Variants in GRIA4 observed in about 807,000 individuals in gnomAD.
The protein encoded by GRIA4 is glutamate ionotropic receptor AMPA type subunit 4, also known as glutamate receptor 4.
In GRIA4, 34 loss-of-function variants were observed where a neutral mutation model predicts 104.0. The observed-to-expected ratio is 0.33, with a 90% CI of 0.25 to 0.44. GRIA4 has a LOEUF of 0.44. GRIA4 is among the 20% of genes least tolerant of loss of function. The pLI is 1.00. For missense variants in GRIA4, 750 were observed against 1,096.5 expected, an observed-to-expected ratio of 0.68 and a Z score of 4.46; for synonymous variants, 386 against 381.9, an observed-to-expected ratio of 1.01 and a Z score of -0.13.
At chr11:105,656,791 C>G (rs1391825780) in intron 3 of GRIA4, among the ~76,000 whole-genome samples, 1 of 151,954 alleles carries the variant, frequency 6.6e-6, no homozygotes, top group East Asian at 1.9e-4. Context: ...GAAACAATAT[C>G]AGTATGTGTT....
chr11:105,763,552 T>G (rs1275016383), intron 4 of GRIA4, among the ~76,000 whole-genome samples: 1 of 152,144 alleles, frequency 6.6e-6, no homozygotes, highest in Non-Finnish European at 1.5e-5. Context: ...TGGTAACAAA[T>G]GCAAAGATTT....
chr11:105,760,467 C>T (rs1940563731), intron 4 of GRIA4, among the ~76,000 whole-genome samples: 1 of 152,078 alleles, frequency 6.6e-6, no homozygotes, highest in Non-Finnish European at 1.5e-5. Context: ...TTTTTTCTTG[C>T]AATGTTGTTC....
chr11:105,859,163 A>T (rs568491396), intron 4 of GRIA4, among the ~76,000 whole-genome samples: 1 of 152,328 alleles, frequency 6.6e-6, no homozygotes, highest in African/African-American at 2.4e-5. Flanking sequence ...ATTTCCAGCT[A>T]TGTTAGCAAA....
chr11:105,663,907 A>C (rs1257682330), intron 3 of GRIA4, among the ~76,000 whole-genome samples: 1 of 151,320 alleles, frequency 6.6e-6, no homozygotes, highest in Non-Finnish European at 1.5e-5. Flanking sequence ...GTCTTTGTGA[A>C]CCCTCCATAG....
chr11:105,924,319 C>A, intron 11 of GRIA4, 80 bp from the exon 12 acceptor site: 1 of 1,072,574 alleles, frequency 9.3e-7, no homozygotes, highest in Non-Finnish European at 1.4e-6. Flanking sequence ...GACTGGTTAG[C>A]TTTAAATGGA....
At chr11:105,957,839 T>C (rs1948632190) in intron 14 of GRIA4, among the ~76,000 whole-genome samples, 1 of 152,168 alleles carries the variant, frequency 6.6e-6, no homozygotes, top group South Asian at 2.1e-4. Context: ...CCCTTGTAAG[T>C]TGGATTCCTA....
intron 10 of GRIA4, among the ~76,000 whole-genome samples, 151 bp from the exon 11 acceptor site, chr11:105,918,559 ATC>A (rs1413412198): frequency 6.6e-6 from 1 of 152,100 alleles, no homozygotes. Flanking sequence ...TTATATATTC[ATC>A]TGTTTTATTA....
rs143562838 is a variant in GRIA4, at chr11:105,648,333, A to G, written c.247+35899A>G. ...AATTTTAAAAATATTATGGAAATAG[A>G]GAAAACTTAAAAGTATAGAATAAGA... On this transcript the variant is annotated intron_variant, in intron 3 of 16. Transcript: ENST00000282499. Among the ~76,000 whole-genome samples the G allele has an allele frequency of 3.8e-3, 578 of 151,642 alleles. 9 individuals carry two copies. The highest frequency in any genetic ancestry group is 0.014 in the African/African-American group (564 of 41,528).
chr11:105,779,370 T>C (rs1157476504), intron 4 of GRIA4, among the ~76,000 whole-genome samples: 2 of 152,060 alleles, frequency 1.3e-5, no homozygotes, highest in Non-Finnish European at 2.9e-5. Flanking sequence ...CTGCCCAAGG[T>C]AATTTATAGA....
intron 6 of GRIA4, among the ~76,000 whole-genome samples, chr11:105,890,970 G>A (rs749417241): frequency 2.2e-4 from 33 of 152,154 alleles, no homozygotes; most frequent in African/African-American, 6.8e-4. Context: ...TGGTGAAAGC[G>A]TATGATATCG....
chr11:105,761,221 CCT>C (rs1284584427), intron 4 of GRIA4, among the ~76,000 whole-genome samples: 1 of 151,992 alleles, frequency 6.6e-6, no homozygotes, highest in Non-Finnish European at 1.5e-5. Context: ...GTAATGAACG[CCT>C]CTCTCATTTG....
intron 4 of GRIA4, among the ~76,000 whole-genome samples, chr11:105,830,474 G>A (rs1442406757): frequency 6.6e-6 from 1 of 152,010 alleles, no homozygotes; most frequent in Non-Finnish European, 1.5e-5. Context: ...GAAGACTTGG[G>A]AGGAGAAAGA....
At chr11:105,926,276 A>G (rs1323765279) in intron 12 of GRIA4, among the ~76,000 whole-genome samples, 1 of 152,096 alleles carries the variant, frequency 6.6e-6, no homozygotes, top group Non-Finnish European at 1.5e-5. Context: ...CATCAAATCT[A>G]AGACTGCAGT....
intron 3 of GRIA4, among the ~76,000 whole-genome samples, chr11:105,721,023 C>T (rs952143003): frequency 1.3e-5 from 2 of 152,118 alleles, no homozygotes; most frequent in African/African-American, 4.8e-5. Context: ...TGCTCATGGA[C>T]AGTGTTAAGT....
chr11:105,807,910 A>C (rs983116350), intron 4 of GRIA4, among the ~76,000 whole-genome samples: 10 of 151,932 alleles, frequency 6.6e-5, no homozygotes, highest in African/African-American at 2.4e-4. Flanking sequence ...TTAGCTTCAA[A>C]TAATCTGTAC....
chr11:105,956,070 G>A (rs961717001), intron 14 of GRIA4, among the ~76,000 whole-genome samples: 20 of 152,068 alleles, frequency 1.3e-4, no homozygotes, highest in African/African-American at 4.8e-4. Context: ...CATTCTGTAG[G>A]TTGCCTGTTC....
At chr11:105,698,558 G>T (rs1000882397) in intron 3 of GRIA4, among the ~76,000 whole-genome samples, 10 of 152,246 alleles carry the variant, frequency 6.6e-5, no homozygotes, top group African/African-American at 2.4e-4. Context: ...AGACACGAAA[G>T]GAATCAAATC....
intron 3 of GRIA4, among the ~76,000 whole-genome samples, chr11:105,740,139 T>C (rs561859707): frequency 4.0e-4 from 61 of 152,340 alleles, no homozygotes; most frequent in African/African-American, 1.4e-3. Context: ...TAAAGGAGAA[T>C]GTCTTAACTG....
intron 10 of GRIA4, among the ~76,000 whole-genome samples, chr11:105,917,855 T>C (rs1256089373): frequency 6.7e-6 from 1 of 148,348 alleles, no homozygotes; most frequent in Non-Finnish European, 1.5e-5. Context: ...TGTGTGTGTG[T>C]AACTGAAAAC....
Sources: gnomAD v4.1 joint callset for allele counts (sites outside exome capture counted in the v4.1 genomes callset) on GRCh38, gnomAD v4.1.1 for gene constraint, MANE v1.5 for transcripts, NCBI Gene and HGNC (gene_info 2026-07-23, HGNC 2026-07-21) for gene names.